GHSR: variants seen among roughly 807,000 people sequenced by gnomAD.
GHSR encodes growth hormone secretagogue receptor.
GHSR carries 17 observed loss-of-function variants against 24.0 expected under a neutral mutation model. The observed-to-expected ratio is 0.71, with a 90% confidence interval of 0.49 to 1.06. The LOEUF is 1.06. Among genes scored for constraint, GHSR ranks in the 50% least tolerant of loss-of-function variants. GHSR has a pLI of 0.00. For synonymous variants in GHSR, 238 were observed against 208.1 expected (o/e 1.14, Z -1.24); for missense variants, 504 against 483.1 (o/e 1.04, Z -0.41).
rs1302113210 is a variant in GHSR, at chr3:172,445,214, T to C, written c.1048A>G (p.Thr350Ala). 3.1e-6 allele frequency: 5 copies of C among 1,613,822 alleles called. No individual in the cohort carries two copies. The highest frequency in any genetic ancestry group is 4.2e-6 in the Non-Finnish European group (5 of 1,179,956). Residue 350 changes from threonine (T) to alanine (A), a missense_variant, in exon 2 of 2, where the codon ACT becomes GCT. Coordinates refer to ENST00000241256, the MANE Select transcript of GHSR (RefSeq NM_198407.2). The part of the protein sequence containing the change: ...FEPFSQRKLS[T>A]LKDESSRAWT... ...GCCCGAGAACTTTCATCTTTCAGAGTGGAGAGCTTTCTCTGGGAGAAGGGT... is the reference window on the plus strand; with the variant it reads ...GCCCGAGAACTTTCATCTTTCAGAGCGGAGAGCTTTCTCTGGGAGAAGGGT...
rs771777929 is a variant in GHSR at position 172,445,228 on chromosome 3, T to C, written c.1034A>G (p.Gln345Arg). 7 of 1,614,044 alleles carry C rather than the reference T, an allele frequency of 4.3e-6. No individual in the cohort carries two copies. Among genetic ancestry groups the C allele is most frequent in the African/African-American group, 4.0e-5 (3 of 74,924 alleles). ...FRLLGFEPFS[Q>R]RKLSTLKDES... ...ATCTTTCAGAGTGGAGAGCTTTCTC[T>C]GGGAGAAGGGTTCGAATCCCAGAAG... The change falls in exon 2 of 2, where the codon CAG (glutamine) becomes CGG (arginine). Residue 345 changes from glutamine to arginine, a missense_variant. Coordinates refer to ENST00000241256, the MANE Select transcript of GHSR (RefSeq NM_198407.2).
chr3:172,445,606 A>G (rs1321222795), intron 1 of GHSR, 141 bp from the exon 2 acceptor site: 1 of 877,158 alleles, frequency 1.1e-6, no homozygotes, highest in Non-Finnish European at 1.8e-6. Context: ...TCCTGTTCCA[A>G]CATTTTAACA....
chr3:172,448,385 G>C lies in GHSR; in HGVS notation c.29C>G (p.Pro10Arg). Residue 10 changes from proline (P) to arginine (R), a missense_variant, in exon 1 of 2, where the codon CCG becomes CGG. Physicochemically the swap from Pro to Arg is moderately radical, Grantham distance 103. Transcript: ENST00000241256. The surrounding 1 kb of genome is among the most constrained non-coding windows in gnomAD (Gnocchi z 4.8). ...GTCGGCCAGTGTGAGGTTGAACCCC[G>C]GCTCTTCGCTGGGCGTCGCGTTCCA... MWNATPSEE[P>R]GFNLTLADLD... 1 of 1,598,378 alleles carries C rather than the reference G, an allele frequency of 6.3e-7. No homozygotes were observed. The highest frequency in any genetic ancestry group is 8.5e-7 in the Non-Finnish European group (1 of 1,179,314).
At position 172,447,829 on chromosome 3, in the gene GHSR, G is replaced by C; in HGVS notation, c.585C>G (p.Thr195=). ...EHENGTDPWD[T]NECRPTEFAV... is the part of the protein sequence containing the mutation. ...CAAACTCGGTGGGGCGGCACTCGTT[G>C]GTGTCCCAAGGGTCGGTGCCGTTCT... Residue 195 remains threonine (T), a synonymous_variant, in exon 1 of 2, where the codon ACC becomes ACG. Coordinates refer to ENST00000241256, the MANE Select transcript of GHSR (RefSeq NM_198407.2). 1 of 1,613,900 alleles carries C rather than the reference G, an allele frequency of 6.2e-7. No individual in the cohort carries two copies.
chr3:172,446,481 A>G (rs1305818281), intron 1 of GHSR, among the ~76,000 whole-genome samples: 1 of 152,216 alleles, frequency 6.6e-6, no homozygotes, highest in East Asian at 1.9e-4. Flanking sequence ...AATAAACTCT[A>G]TCACTTTAAT....
In GHSR at chr3:172,447,803, G is replaced by A. The variant is rs121917883; in HGVS notation, c.611C>T (p.Ala204Val). The change falls in exon 1 of 2, where the codon GCG becomes GTG. Residue 204 changes from alanine to valine, a missense_variant. By Grantham distance (64) the Ala-to-Val change is moderately conservative. Transcript: ENST00000241256. ...GACCGTGAGCAGTCCAGAGCGCACC[G>A]CAAACTCGGTGGGGCGGCACTCGTT... Reference protein sequence around the residue: ...DTNECRPTEFAVRSGLLTVMV... With the variant: ...DTNECRPTEFVVRSGLLTVMV... 2 of 1,613,978 alleles carry A rather than the reference G, an allele frequency of 1.2e-6. No individual in the cohort carries two copies. The highest frequency in any genetic ancestry group is 1.7e-6 in the Non-Finnish European group (2 of 1,180,026).
chr3:172,448,354 G>T lies in GHSR; in HGVS notation c.60C>A (p.Asp20Glu). The change falls in exon 1 of 2, where the codon GAC becomes GAA. Residue 20 changes from aspartate to glutamate, a missense_variant. Coordinates refer to ENST00000241256, the MANE Select transcript of GHSR (RefSeq NM_198407.2). This position sits in a 1 kb window ranked among gnomAD's most constrained non-coding sequence, Gnocchi z 4.8. The stretch of plus-strand genomic sequence containing the variant: ...AGTCGTTGCCGGGGGAAGCATCCCA[G>T]TCCAGGTCGGCCAGTGTGAGGTTGA... ...PGFNLTLADL[D>E]WDASPGNDSL... is the part of the protein sequence containing the mutation. 2 of 1,601,890 alleles carry T rather than the reference G, an allele frequency of 1.2e-6. No homozygotes were observed.
intron 1 of GHSR, 130 bp downstream of exon 1, chr3:172,447,488 G>A: frequency 6.6e-7 from 1 of 1,517,564 alleles, no homozygotes; most frequent in Non-Finnish European, 8.8e-7. Context: ...GAGAGACAGA[G>A]GCCCAGAGAA....
At position 172,445,101 on chromosome 3, in the gene GHSR, G is replaced by T. The variant is rs1737425846; in HGVS notation, c.*60C>A. On this transcript the variant is annotated 3_prime_UTR_variant, in exon 2 of 2. Coordinates refer to ENST00000241256, the MANE Select transcript of GHSR (RefSeq NM_198407.2). ...AACCTTCAGCTTCCTCCCAAGTTCT[G>T]CTGTGCTATGTCTTCCGGTTTAGAG... 9 of 1,577,996 alleles carry T rather than the reference G, an allele frequency of 5.7e-6. No homozygotes were observed. Among genetic ancestry groups the T allele is most frequent in the Non-Finnish European group, 7.0e-6 (8 of 1,148,312 alleles).
In GHSR at chr3:172,445,224, T is replaced by C; in HGVS notation, c.1038A>G (p.Arg346=). Residue 346 remains arginine (R), a synonymous_variant, in exon 2 of 2, where the codon AGA becomes AGG. Coordinates refer to ENST00000241256, the MANE Select transcript of GHSR (RefSeq NM_198407.2). ...TTTCATCTTTCAGAGTGGAGAGCTT[T>C]CTCTGGGAGAAGGGTTCGAATCCCA... ...RLLGFEPFSQ[R]KLSTLKDESS... 6.2e-7 allele frequency: 1 copy of C among 1,614,150 alleles called. No individual in the cohort carries two copies. The highest frequency in any genetic ancestry group is 8.5e-7 in the Non-Finnish European group (1 of 1,180,018).
intron 1 of GHSR, 62 bp from the exon 2 acceptor site, chr3:172,445,527 T>C (rs1737439804): frequency 2.0e-6 from 3 of 1,497,870 alleles, no homozygotes; most frequent in Non-Finnish European, 2.7e-6. Context: ...TCACATTCTA[T>C]TTTTAAGACT....
chr3:172,447,777 T>A lies in GHSR; in HGVS notation c.637A>T (p.Met213Leu). The A allele has an allele frequency of 6.2e-7, 1 of 1,613,996 alleles. No individual in the cohort carries two copies. Among genetic ancestry groups the A allele is most frequent in the Non-Finnish European group, 8.5e-7 (1 of 1,180,014 alleles). ...AAGAAGATGCTGGACACCCACACCA[T>A]GACCGTGAGCAGTCCAGAGCGCACC... ...FAVRSGLLTVMVWVSSIFFFL... is the reference protein window; with the variant it reads ...FAVRSGLLTVLVWVSSIFFFL... Residue 213 changes from methionine to leucine, a missense_variant, in exon 1 of 2, where the codon ATG becomes TTG. Met to Leu is a conservative substitution (Grantham distance 15). Transcript: ENST00000241256.
rs912089357 is a variant in GHSR, at chr3:172,448,231, G to A, written c.183C>T (p.Asn61=). Residue 61 remains asparagine (N), a synonymous_variant, in exon 1 of 2, where the codon AAC becomes AAT. Coordinates refer to ENST00000241256, the MANE Select transcript of GHSR (RefSeq NM_198407.2). This position sits in a 1 kb window ranked among gnomAD's most constrained non-coding sequence, Gnocchi z 4.8. ...GCGACACCACCAGCATGGTGAGCAG[G>A]TTGCCAGCGATGCCCACCACGAAGA... The part of the protein sequence containing the change: ...VALFVVGIAG[N]LLTMLVVSRF... 5 of 1,613,944 alleles carry A rather than the reference G, an allele frequency of 3.1e-6. No homozygotes were observed. In the African/African-American group the frequency reaches 6.7e-5, roughly 22 times the overall value.
chr3:172,445,227 CT>C lies in GHSR; in HGVS notation c.1034del (p.Gln345ArgfsTer7). ...FRLLGFEPFS[Q>X]RKLSTLKDES... ...CATCTTTCAGAGTGGAGAGCTTTCTCTGGGAGAAGGGTTCGAATCCCAGAAG... is the reference window on the plus strand; with the variant it reads ...CATCTTTCAGAGTGGAGAGCTTTCTCGGGAGAAGGGTTCGAATCCCAGAAG... On this transcript the variant is annotated frameshift_variant, in exon 2 of 2. Transcript: ENST00000241256. LOFTEE classifies it high-confidence loss of function. The C allele has an allele frequency of 6.2e-7, 1 of 1,614,114 alleles. No homozygotes were observed. The highest frequency in any genetic ancestry group is 2.2e-5 in the East Asian group (1 of 44,886).
rs1737413220 is a variant in GHSR, at chr3:172,444,531, A to G, written c.*630T>C. Among the ~76,000 whole-genome samples the G allele has an allele frequency of 2.6e-5, 4 of 152,178 alleles. No homozygotes were observed. The highest frequency in any genetic ancestry group is 2.6e-4 in the Admixed American group (4 of 15,278). Reference sequence around the variant, plus strand: ...TGTTGAATCTACTTTTTATCTGTAAATTTTATGAAATCTAAATACATCAAA... The same window carrying G: ...TGTTGAATCTACTTTTTATCTGTAAGTTTTATGAAATCTAAATACATCAAA... On this transcript the variant is annotated 3_prime_UTR_variant, in exon 2 of 2. Transcript: ENST00000241256.
At position 172,444,249 on chromosome 3, in the gene GHSR, G is replaced by A. The variant is rs1183030646; in HGVS notation, c.*912C>T. Among the ~76,000 whole-genome samples, 4 of 152,034 alleles carry A rather than the reference G, an allele frequency of 2.6e-5. No homozygotes were observed. The highest frequency in any genetic ancestry group is 2.6e-4 in the Admixed American group (4 of 15,278). On this transcript the variant is annotated 3_prime_UTR_variant, in exon 2 of 2. Coordinates refer to ENST00000241256, the MANE Select transcript of GHSR (RefSeq NM_198407.2). ...TTAGTATTCATCACTCTAAAATTCT[G>A]CTGTGTGAACATCACTATAAAAACA...
rs751960352 is a variant in GHSR at position 172,447,676 on chromosome 3, A to G, written c.738T>C (p.Asp246=). The change falls in exon 1 of 2, where the codon GAT becomes GAC. Residue 246 remains aspartate (D), a synonymous_variant. Transcript: ENST00000241256. The part of the protein sequence containing the change: ...GRKLWRRRRG[D]AVVGASLRDQ... Reference sequence around the variant, plus strand: ...CCCTGAGCGAGGCACCCACGACAGCATCGCCGCGCCTCCTCCGCCACAGCT... The same window carrying G: ...CCCTGAGCGAGGCACCCACGACAGCGTCGCCGCGCCTCCTCCGCCACAGCT... 5.0e-6 allele frequency: 8 copies of G among 1,614,082 alleles called. No homozygotes were observed. Among genetic ancestry groups the G allele is most frequent in the Non-Finnish European group, 6.8e-6 (8 of 1,180,032 alleles).
intron 1 of GHSR, among the ~76,000 whole-genome samples, chr3:172,445,915 G>A (rs566673018): frequency 5.9e-4 from 90 of 151,902 alleles, no homozygotes; most frequent in African/African-American, 2.1e-3. Context: ...CTAAGAGGGC[G>A]ATCAGGACAT....
At position 172,447,919 on chromosome 3, in the gene GHSR, G is replaced by A. The variant is rs267599694; in HGVS notation, c.495C>T (p.Phe165=). Residue 165 remains phenylalanine (F), a synonymous_variant, in exon 1 of 2, where the codon TTC becomes TTT. Coordinates refer to ENST00000241256, the MANE Select transcript of GHSR (RefSeq NM_198407.2). ...TGCAGAAGGCCACGGCCCAGATGAC[G>A]AAGATGACCAGCTTCACCCGCCCCT... The part of the protein sequence containing the change: ...VTKGRVKLVI[F]VIWAVAFCSA... The A allele has an allele frequency of 6.2e-7, 1 of 1,612,660 alleles. No homozygotes were observed. The highest frequency in any genetic ancestry group is 1.1e-5 in the South Asian group (1 of 91,062).
Sources: gnomAD v4.1 joint callset for allele counts (sites outside exome capture counted in the v4.1 genomes callset) on GRCh38, gnomAD v4.1.1 for gene constraint, Gnocchi (gnomAD v3.1) non-coding constraint, MANE v1.5 for transcripts, NCBI Gene and HGNC (gene_info 2026-07-23, HGNC 2026-07-21) for gene names.